Variants in TNR observed in about 807,000 individuals in gnomAD.
TNR encodes tenascin-R.
In TNR, 45 loss-of-function variants were observed where a neutral mutation model predicts 150.4. The ratio of observed to expected loss-of-function variants is 0.30; its 90% CI spans 0.24 to 0.38. The LOEUF is 0.38. Ranked by LOEUF, TNR falls within the 10% of genes least tolerant of loss-of-function variation. The pLI, the probability that TNR is intolerant of heterozygous loss-of-function variation, is 1.00. For synonymous variants in TNR, 687 were observed against 678.4 expected, an observed-to-expected ratio of 1.01 and a Z score of -0.20; for missense variants, 1,544 against 1,759.1, an observed-to-expected ratio of 0.88 and a Z score of 2.19.
chr1:175,442,394 T>TTGTATATTTACAGCACATTCCTGC (rs1655833604), intron 2 of TNR, among the ~76,000 whole-genome samples: 9 of 152,020 alleles, frequency 5.9e-5, no homozygotes, highest in African/African-American at 1.9e-4. Flanking sequence ...GAAGTGGTCC[T>TTGTATATTTACAGCACATTCCTGC]AGGGTCATGC....
chr1:175,497,589 T>C (rs563878560), intron 2 of TNR, among the ~76,000 whole-genome samples: 1 of 152,306 alleles, frequency 6.6e-6, no homozygotes, highest in South Asian at 2.1e-4. Flanking sequence ...GCAGCTGCTG[T>C]TGTGCTGTTG....
chr1:175,403,726 T>C (rs1653828137), intron 3 of TNR, 110 bp from the exon 4 acceptor site: 2 of 892,108 alleles, frequency 2.2e-6, no homozygotes, highest in Non-Finnish European at 3.5e-6. Flanking sequence ...AGATTTCTGT[T>C]GCTGAGAGTG....
At chr1:175,634,870 C>T (rs1203671349) in intron 1 of TNR, among the ~76,000 whole-genome samples, 2 of 152,126 alleles carry the variant, frequency 1.3e-5, no homozygotes, top group East Asian at 3.9e-4. Flanking sequence ...TACCAACCGC[C>T]CCCTCAAAAC....
At chr1:175,452,839 T>C (rs1323282978) in intron 2 of TNR, among the ~76,000 whole-genome samples, 5 of 152,182 alleles carry the variant, frequency 3.3e-5, no homozygotes, top group Non-Finnish European at 7.3e-5. Context: ...AAACAAAATG[T>C]GGCATATATA....
chr1:175,697,059 GA>G (rs891551818), intron 1 of TNR, among the ~76,000 whole-genome samples: 3 of 151,330 alleles, frequency 2.0e-5, no homozygotes, highest in African/African-American at 7.3e-5. Context: ...AAAAAAACCA[GA>G]AACCTGTTTA....
chr1:175,379,664 A>G lies in TNR; in HGVS notation c.1851T>C (p.Ser617=). The G allele has an allele frequency of 6.2e-7, 1 of 1,614,182 alleles. No individual in the cohort carries two copies. The change falls in exon 9 of 23, where the codon AGT becomes AGC. Residue 617 remains serine, a synonymous_variant. Transcript: ENST00000367674. ...ATSLDLEWDN[S]EAEVQEYKVV... ...CCTTGTACTCCTGAACTTCGGCTTC[A>G]CTGTTATCCCACTCGAGGTCAAGGC...
intron 2 of TNR, among the ~76,000 whole-genome samples, chr1:175,461,460 T>A (rs1656816386): frequency 6.6e-6 from 1 of 152,210 alleles, no homozygotes; most frequent in South Asian, 2.1e-4. Flanking sequence ...CAAAATTAGA[T>A]AACATTAATG....
chr1:175,439,478 G>C (rs1655678886), intron 2 of TNR, among the ~76,000 whole-genome samples: 1 of 151,886 alleles, frequency 6.6e-6, no homozygotes. Flanking sequence ...AGGACTTCAT[G>C]TCTAAAACAC....
At chr1:175,612,515 T>C (rs1269244777) in intron 1 of TNR, among the ~76,000 whole-genome samples, 1 of 152,204 alleles carries the variant, frequency 6.6e-6, no homozygotes, top group Non-Finnish European at 1.5e-5. Flanking sequence ...ACTCTGTTAT[T>C]GAAAGGCTGG....
At chr1:175,389,254 C>T (rs1571373462) in intron 7 of TNR, among the ~76,000 whole-genome samples, 7 of 152,234 alleles carry the variant, frequency 4.6e-5, no homozygotes, top group Non-Finnish European at 1.5e-5. Flanking sequence ...CTCCCATCTC[C>T]TGACCCTTCT....
intron 2 of TNR, among the ~76,000 whole-genome samples, chr1:175,431,635 C>CTTTTT (rs35340891): frequency 1.2e-4 from 17 of 143,094 alleles, no homozygotes; most frequent in Non-Finnish European, 2.3e-4. Flanking sequence ...CTGACAATAA[C>CTTTTT]TTTTTTTTTT....
chr1:175,735,616 C>G (rs1227335943), intron 1 of TNR, among the ~76,000 whole-genome samples: 2 of 152,158 alleles, frequency 1.3e-5, no homozygotes, highest in African/African-American at 2.4e-5. Flanking sequence ...TAAACTCAAG[C>G]CTTTGAAATT....
At chr1:175,690,975 GA>G (rs1666344908) in intron 1 of TNR, among the ~76,000 whole-genome samples, 1 of 152,206 alleles carries the variant, frequency 6.6e-6, no homozygotes, top group Non-Finnish European at 1.5e-5. Flanking sequence ...TCAACTTGGT[GA>G]GTCATGATAG....
At chr1:175,459,159 A>G (rs1181317221) in intron 2 of TNR, among the ~76,000 whole-genome samples, 1 of 148,702 alleles carries the variant, frequency 6.7e-6, no homozygotes, top group African/African-American at 2.5e-5. Context: ...ACTACCACCA[A>G]CACTATTATC....
intron 1 of TNR, among the ~76,000 whole-genome samples, chr1:175,674,231 G>A (rs903368483): frequency 3.3e-5 from 5 of 152,208 alleles, no homozygotes; most frequent in African/African-American, 1.2e-4. Context: ...CCAAGGAAGT[G>A]TAGAAAGAAA....
chr1:175,631,729 A>T (rs533166206), intron 1 of TNR, among the ~76,000 whole-genome samples: 13 of 151,826 alleles, frequency 8.6e-5, no homozygotes, highest in Non-Finnish European at 1.8e-4. Context: ...TGTGTGTGTG[A>T]TGTGTGTGTT....
chr1:175,465,419 T>A (rs1656989129), intron 2 of TNR, among the ~76,000 whole-genome samples: 1 of 152,190 alleles, frequency 6.6e-6, no homozygotes, highest in African/African-American at 2.4e-5. Flanking sequence ...TGACAAATGC[T>A]TAAGTAGATT....
chr1:175,460,120 C>T (rs529282754), intron 2 of TNR, among the ~76,000 whole-genome samples: 63 of 152,156 alleles, frequency 4.1e-4, no homozygotes, highest in Middle Eastern at 3.4e-3. Flanking sequence ...CTGGTTTTTC[C>T]CCTGAGCTGG....
At chr1:175,703,979 A>T (rs1219394282) in intron 1 of TNR, among the ~76,000 whole-genome samples, 1 of 152,126 alleles carries the variant, frequency 6.6e-6, no homozygotes, top group African/African-American at 2.4e-5. Context: ...GTCAAAGAGG[A>T]CTTTATTTCT....
Sources: allele counts gnomAD v4.1 joint callset (sites outside exome capture counted in the v4.1 genomes callset), GRCh38; gene constraint gnomAD v4.1.1; transcripts MANE v1.5; gene names NCBI Gene and HGNC (gene_info 2026-07-23, HGNC 2026-07-21).